Variants in ANO2 observed in about 807,000 individuals in gnomAD.
ANO2 encodes anoctamin 2.
Under a neutral mutation model 124.2 loss-of-function variants are expected in ANO2, and 101 were observed. The observed-to-expected ratio is 0.81, with a 90% CI of 0.69 to 0.96. The LOEUF (loss-of-function observed/expected upper bound fraction) is 0.96, where lower values mean the gene tolerates loss of function less well. Ranked by LOEUF, ANO2 falls within the 40% of genes least tolerant of loss-of-function variation. ANO2 has a pLI of 0.00. For missense variants in ANO2, 1,293 were observed against 1,274.5 expected, an observed-to-expected ratio of 1.01 and a Z score of -0.22; for synonymous variants, 486 against 482.5, an observed-to-expected ratio of 1.01 and a Z score of -0.09.
chr12:5,726,347 G>A lies in ANO2; in HGVS notation c.1545+6173C>T, dbSNP rs1592000240. On this transcript the variant is annotated intron_variant, in intron 14 of 24. Transcript: ENST00000682330. ...AAAATTTACACAAAACCACTAATGT[G>A]GGGTAGCGAATTTGTCTCTCACCCA... 3.9e-5 allele frequency among the ~76,000 whole-genome samples: 6 copies of A among 152,274 alleles called. 1 individual carries two copies. Among genetic ancestry groups the A allele is most frequent in the Admixed American group, 3.9e-4 (6 of 15,290 alleles).
At chr12:5,845,093 G>A (rs1199276853) in intron 4 of ANO2, among the ~76,000 whole-genome samples, 1 of 151,856 alleles carries the variant, frequency 6.6e-6, no homozygotes, top group African/African-American at 2.4e-5. Flanking sequence ...GCAACATGGG[G>A]GAAACCCCGT....
chr12:5,883,936 A>T (rs1388964697), intron 3 of ANO2, among the ~76,000 whole-genome samples: 2 of 152,146 alleles, frequency 1.3e-5, no homozygotes, highest in Middle Eastern at 3.2e-3. Flanking sequence ...ATCTAACTTA[A>T]ACCTAATCCC....
intron 7 of ANO2, 89 bp from the exon 8 acceptor site, chr12:5,807,457 GC>G (rs982789446): frequency 2.0e-5 from 23 of 1,140,536 alleles, no homozygotes; most frequent in Middle Eastern, 1.9e-4. Flanking sequence ...GCTTTCACAT[GC>G]CCCCCCAGTT....
In ANO2 at chr12:5,635,195, C is replaced by T. The variant is rs1945941641; in HGVS notation, c.1773G>A (p.Leu591=). The part of the protein sequence containing the change: ...VIINLVVILI[L]DEIYGAVAKW... ...TGGCCACAGCGCCGTAGATCTCGTC[C>T]AGGATGAGGATGACCACGAGGTTGA... The change falls in exon 16 of 25, where the codon CTG becomes CTA. Residue 591 remains leucine (L), a synonymous_variant. Transcript: ENST00000682330. The surrounding 1 kb of genome is among the most constrained non-coding windows in gnomAD (Gnocchi z 5.2). 2 of 1,604,988 alleles carry T rather than the reference C, an allele frequency of 1.2e-6. No individual in the cohort carries two copies. Among genetic ancestry groups the T allele is most frequent in the African/African-American group, 1.3e-5 (1 of 74,426 alleles).
chr12:5,748,601 T>C (rs1443043232), intron 11 of ANO2, among the ~76,000 whole-genome samples: 1 of 152,184 alleles, frequency 6.6e-6, no homozygotes, highest in Non-Finnish European at 1.5e-5. Context: ...TCAGTGGAAA[T>C]AATAATGCCT....
At chr12:5,848,969 T>C (rs975175996) in intron 4 of ANO2, among the ~76,000 whole-genome samples, 7 of 152,286 alleles carry the variant, frequency 4.6e-5, no homozygotes, top group Non-Finnish European at 1.0e-4. Context: ...GAGAACATCA[T>C]CACCTCTTCC....
At chr12:5,784,924 C>G (rs997604074) in intron 10 of ANO2, among the ~76,000 whole-genome samples, 4 of 152,230 alleles carry the variant, frequency 2.6e-5, no homozygotes, top group East Asian at 3.9e-4. Flanking sequence ...CTGCAACTCA[C>G]CAGTTGTTTA....
intron 14 of ANO2, among the ~76,000 whole-genome samples, chr12:5,655,733 A>T (rs1947121720): frequency 6.6e-6 from 1 of 152,226 alleles, no homozygotes; most frequent in African/African-American, 2.4e-5. Context: ...TGAAGGTTCC[A>T]GAAGGTTATG....
intron 9 of ANO2, among the ~76,000 whole-genome samples, chr12:5,805,275 G>A (rs904444324): frequency 4.6e-5 from 7 of 152,186 alleles, no homozygotes; most frequent in South Asian, 2.1e-4. Flanking sequence ...ACAACAGAGT[G>A]GGGGAGGGAA....
Position 5,923,163 on chromosome 12 carries a change from T to TACACACACAC in ANO2, c.23-369_23-360dup, listed in dbSNP as rs60529043. Among the ~76,000 whole-genome samples the TACACACACAC allele has an allele frequency of 6.2e-4, 10 of 16,140 alleles. 2 individuals carry two copies. Among genetic ancestry groups the TACACACACAC allele is most frequent in the African/African-American group, 1.3e-3 (9 of 7,064 alleles). 10.6% of individuals were successfully genotyped at this position (16,140 alleles called of 152,430 possible). A position where few individuals can be genotyped will look rare whatever the true frequency, so the allele number is the denominator to read the frequency against. Reference sequence around the variant, plus strand: ...ACACATGCACACATACACACACGCATACACACACACGCACACACACATACA... The same window carrying TACACACACAC: ...ACACATGCACACATACACACACGCATACACACACACACACACACACGCACACACACATACA... On this transcript the variant is annotated intron_variant, in intron 1 of 24. Transcript: ENST00000682330.
intron 16 of ANO2, among the ~76,000 whole-genome samples, chr12:5,622,411 C>A (rs1439681986): frequency 3.5e-4 from 53 of 152,190 alleles, no homozygotes; most frequent in Admixed American, 3.5e-3. Context: ...AAACAAGGAG[C>A]ATTTCCAATA....
chr12:5,920,866 CA>C (rs36058117), intron 3 of ANO2, among the ~76,000 whole-genome samples, 173 bp downstream of exon 3: 101 of 151,738 alleles, frequency 6.7e-4, no homozygotes, highest in African/African-American at 2.3e-3. Context: ...GACTCCGTCT[CA>C]AAAAAAATTT....
chr12:5,944,602 T>C (rs1249598373), intron 1 of ANO2, among the ~76,000 whole-genome samples: 1 of 152,196 alleles, frequency 6.6e-6, no homozygotes, highest in Non-Finnish European at 1.5e-5. Flanking sequence ...AATTTGCTTT[T>C]CTTCTAAGAA....
At chr12:5,843,371 G>A (rs927679643) in intron 4 of ANO2, among the ~76,000 whole-genome samples, 9 of 152,006 alleles carry the variant, frequency 5.9e-5, no homozygotes, top group African/African-American at 2.2e-4. Flanking sequence ...CCAACATGGT[G>A]AAACCCTGTC....
chr12:5,715,749 G>C (rs540208974), intron 14 of ANO2, among the ~76,000 whole-genome samples: 1 of 152,202 alleles, frequency 6.6e-6, no homozygotes, highest in Non-Finnish European at 1.5e-5. Context: ...TGTAATTCCT[G>C]CAGACAGCAC....
chr12:5,817,576 T>G (rs1257368370), intron 7 of ANO2, among the ~76,000 whole-genome samples: 1 of 152,052 alleles, frequency 6.6e-6, no homozygotes, highest in East Asian at 1.9e-4. Context: ...GACAGCGATG[T>G]TTGATGTGGG....
intron 20 of ANO2, among the ~76,000 whole-genome samples, chr12:5,587,840 A>T (rs1030775910): frequency 9.9e-5 from 15 of 151,938 alleles, no homozygotes; most frequent in African/African-American, 3.6e-4. Flanking sequence ...CCTCAGGCTG[A>T]TCCCAGCCTC....
At chr12:5,626,634 C>A (rs1169130717) in intron 16 of ANO2, among the ~76,000 whole-genome samples, 1 of 152,152 alleles carries the variant, frequency 6.6e-6, no homozygotes, top group Non-Finnish European at 1.5e-5. Flanking sequence ...GGAAACAATT[C>A]CCCTTGGATG....
At chr12:5,768,928 G>C (rs958029249) in intron 10 of ANO2, among the ~76,000 whole-genome samples, 1 of 152,140 alleles carries the variant, frequency 6.6e-6, no homozygotes, top group African/African-American at 2.4e-5. Context: ...GACAAGAAAA[G>C]GCCTCTTGCT....
Sources: allele counts gnomAD v4.1 joint callset (sites outside exome capture counted in the v4.1 genomes callset), GRCh38; gene constraint gnomAD v4.1.1; non-coding constraint Gnocchi (gnomAD v3.1); transcripts MANE v1.5; gene names NCBI Gene and HGNC (gene_info 2026-07-23, HGNC 2026-07-21).